The following CCDC181 variants were observed in gnomAD, a reference collection of about 807,000 sequenced individuals.
CCDC181 encodes coiled-coil domain containing 181, also known as coiled-coil domain-containing protein 181.
CCDC181 carries 35 observed loss-of-function variants against 58.7 expected under a neutral mutation model. That is an observed-to-expected ratio of 0.60 (90% CI 0.46 to 0.79). The LOEUF is 0.79. Among genes scored for constraint, CCDC181 ranks in the 30% least tolerant of loss-of-function variants. The pLI is 0.00. For missense variants in CCDC181, 517 were observed against 583.9 expected, an observed-to-expected ratio of 0.89 and a Z score of 1.18; for synonymous variants, 183 against 197.5, an observed-to-expected ratio of 0.93 and a Z score of 0.62.
At chr1:169,421,020 A>C (rs1656428098) in intron 3 of CCDC181, among the ~76,000 whole-genome samples, 1 of 152,152 alleles carries the variant, frequency 6.6e-6, no homozygotes, top group Admixed American at 6.6e-5. Flanking sequence ...TCATTTTTCC[A>C]TCTGACATTT....
chr1:169,428,668 GT>G (rs961257859), upstream of CCDC181, among the ~76,000 whole-genome samples: 85 of 152,046 alleles, frequency 5.6e-4, no homozygotes, highest in African/African-American at 2.0e-3. Context: ...TGTTTGTTTT[GT>G]TTTTGAGACA....
intron 4 of CCDC181, among the ~76,000 whole-genome samples, chr1:169,405,850 C>A (rs190944919): frequency 6.6e-6 from 1 of 152,236 alleles, no homozygotes; most frequent in African/African-American, 2.4e-5. Context: ...AAGAAACTAC[C>A]ATCAGAGTGA....
intron 4 of CCDC181, among the ~76,000 whole-genome samples, chr1:169,403,454 A>G (rs897340673): frequency 3.3e-5 from 5 of 152,252 alleles, no homozygotes; most frequent in African/African-American, 1.2e-4. Flanking sequence ...AATTATTACA[A>G]ACTGTCTCTC....
At chr1:169,396,451 G>T (rs1655041430) in intron 5 of CCDC181, 2 of 152,376 alleles carry the variant, frequency 1.3e-5, no homozygotes, top group South Asian at 4.2e-4. Flanking sequence ...AGCTACTTGG[G>T]AGGCTGAGGT....
intron 4 of CCDC181, among the ~76,000 whole-genome samples, chr1:169,406,463 A>G (rs958852883): frequency 3.3e-5 from 5 of 152,232 alleles, no homozygotes; most frequent in African/African-American, 1.2e-4. Flanking sequence ...AATACTATGC[A>G]GCCATAAAAA....
At chr1:169,395,271 GT>G (rs1386295566) in intron 5 of CCDC181, 65 bp from the exon 6 acceptor site, 6 of 1,381,996 alleles carry the variant, frequency 4.3e-6, no homozygotes, top group Non-Finnish European at 5.8e-6. Context: ...ATGCTATAAA[GT>G]TACTATTATA....
At chr1:169,428,516 GTA>G (rs1330303442), upstream of CCDC181, among the ~76,000 whole-genome samples, 3 of 151,932 alleles carry the variant, frequency 2.0e-5, no homozygotes, top group Non-Finnish European at 4.4e-5. Flanking sequence ...TTTTTTTTAA[GTA>G]TCAGGTTTTG....
At chr1:169,417,466 G>A (rs1454839442) in intron 4 of CCDC181, among the ~76,000 whole-genome samples, 1 of 152,028 alleles carries the variant, frequency 6.6e-6, no homozygotes, top group East Asian at 1.9e-4. Flanking sequence ...TTTGGGAAGG[G>A]GTGTGAAGCT....
chr1:169,395,420 T>G (rs1302624016), intron 5 of CCDC181, among the ~76,000 whole-genome samples: 1 of 152,236 alleles, frequency 6.6e-6, no homozygotes, highest in African/African-American at 2.4e-5. Context: ...ATGTTTGAAA[T>G]TGTCTGTCTT....
chr1:169,396,606 T>C (rs1366860010), intron 5 of CCDC181: 1 of 152,056 alleles, frequency 6.6e-6, no homozygotes, highest in Non-Finnish European at 1.5e-5. Flanking sequence ...TGAAATGAAC[T>C]TCAAACAATT....
At chr1:169,452,551 T>G (rs1023245872) in intron 2 of CCDC181, 2 of 152,152 alleles carry the variant, frequency 1.3e-5, no homozygotes, top group East Asian at 3.8e-4. Flanking sequence ...GTTTCAGGGC[T>G]TCTCACCTGT....
At chr1:169,458,509 T>G (rs2101764703) in intron 2 of CCDC181, among the ~76,000 whole-genome samples, 1 of 152,288 alleles carries the variant, frequency 6.6e-6, no homozygotes, top group South Asian at 2.1e-4. Context: ...GTGCAGGAGC[T>G]TCTGTCCCCA....
intron 3 of CCDC181, among the ~76,000 whole-genome samples, chr1:169,420,581 G>C (rs1402498402): frequency 6.6e-6 from 1 of 151,958 alleles, no homozygotes; most frequent in Non-Finnish European, 1.5e-5. Context: ...AACTTTCTAA[G>C]GTTTTCTTAT....
chr1:169,449,381 G>C (rs1281385391), intron 2 of CCDC181, among the ~76,000 whole-genome samples: 2 of 152,132 alleles, frequency 1.3e-5, no homozygotes, highest in Non-Finnish European at 2.9e-5. Context: ...CCTTCCTATA[G>C]TATTTGGGCC....
chr1:169,454,835 T>G (rs180698359), intron 2 of CCDC181, among the ~76,000 whole-genome samples: 4 of 152,150 alleles, frequency 2.6e-5, no homozygotes, highest in Admixed American at 6.5e-5. Flanking sequence ...TATTATTACA[T>G]GCCTTTAAAG....
intron 4 of CCDC181, among the ~76,000 whole-genome samples, chr1:169,405,500 C>A (rs919613609): frequency 1.3e-5 from 2 of 152,126 alleles, no homozygotes; most frequent in African/African-American, 4.8e-5. Context: ...AGAAATAATA[C>A]CACATATCTA....
chr1:169,397,096 G>A (rs1015359568), intron 5 of CCDC181, 141 bp downstream of exon 5: 9 of 499,374 alleles, frequency 1.8e-5, no homozygotes, highest in African/African-American at 8.0e-5. Context: ...ATTTTTAAAA[G>A]CATGAATTTA....
chr1:169,445,845 A>AG (rs1657358360), intron 2 of CCDC181, among the ~76,000 whole-genome samples: 1 of 152,020 alleles, frequency 6.6e-6, no homozygotes, highest in African/African-American at 2.4e-5. Context: ...TTTTTCAAGG[A>AG]GGTAGTGCAT....
chr1:169,420,876 A>G (rs561686602), intron 3 of CCDC181, among the ~76,000 whole-genome samples: 4 of 152,222 alleles, frequency 2.6e-5, no homozygotes, highest in Non-Finnish European at 5.9e-5. Context: ...ATATTAGGCT[A>G]TATTCTTAAT....
Sources: allele counts gnomAD v4.1 joint callset (sites outside exome capture counted in the v4.1 genomes callset), GRCh38; gene constraint gnomAD v4.1.1; transcripts MANE v1.5; gene names NCBI Gene and HGNC (gene_info 2026-07-23, HGNC 2026-07-21).